The following TBC1D25 variants were observed in gnomAD, a reference collection of about 807,000 sequenced individuals.
TBC1D25 encodes the protein TBC1 domain family member 25.
Under a neutral mutation model 38.8 loss-of-function variants are expected in TBC1D25, and 13 were observed. That is an observed-to-expected ratio of 0.34 (90% CI 0.22 to 0.53). TBC1D25 has a LOEUF of 0.53. Ranked by LOEUF, TBC1D25 falls within the 20% of genes least tolerant of loss-of-function variation. The pLI is 0.94. For missense variants in TBC1D25, 372 were observed against 600.0 expected, an observed-to-expected ratio of 0.62 and a Z score of 3.97; for synonymous variants, 225 against 255.6, an observed-to-expected ratio of 0.88 and a Z score of 1.14.
intron 3 of TBC1D25, among the ~76,000 whole-genome samples, chrX:48,546,212 C>CA (rs782072122): frequency 0.028 from 1,571 of 57,012 alleles, 87 homozygotes; most frequent in African/African-American, 0.1. Flanking sequence ...GACTTCATCT[C>CA]AAAAAAAAAA....
At chrX:48,548,112 G>GTT in intron 3 of TBC1D25, among the ~76,000 whole-genome samples, 1 of 100,938 alleles carries the variant, frequency 9.9e-6, no homozygotes, top group South Asian at 4.3e-4. Context: ...GGTTTTGAGG[G>GTT]TTTTTTTTTT....
At chrX:48,556,746 CAAAAAA>C (rs57538682) in intron 3 of TBC1D25, among the ~76,000 whole-genome samples, 3 of 42,435 alleles carry the variant, frequency 7.1e-5, no homozygotes, top group African/African-American at 9.6e-5. Context: ...GACTCCGTCT[CAAAAAA>C]AAAAAAAAAA....
intron 2 of TBC1D25, 114 bp downstream of exon 2, chrX:48,541,556 T>C (rs2061838866): frequency 9.5e-6 from 7 of 737,330 alleles, no homozygotes; most frequent in Non-Finnish European, 1.5e-5. Context: ...AATCCCACAG[T>C]GAACAGCCAC....
Position 48,560,708 on chromosome X carries a change from A to G in TBC1D25, c.1800A>G (p.Val600=), listed in dbSNP as rs2062017807. ...PKDPGKSLPP[V]PPMGLPPPQE... ...ACCCTGGAAAGTCCCTGCCACCTGT[A>G]CCACCAATGGGCCTGCCCCCACCCC... Residue 600 remains valine (V), a synonymous_variant, in exon 6 of 6, where the codon GTA becomes GTG. Coordinates refer to ENST00000376771, the MANE Select transcript of TBC1D25 (RefSeq NM_002536.4). 8.3e-7 allele frequency: 1 copy of G among 1,210,249 alleles called. No individual in the cohort carries two copies. The highest frequency in any genetic ancestry group is 2.2e-5 in the Admixed American group (1 of 45,791).
At chrX:48,557,072 A>G (rs2061981555) in intron 3 of TBC1D25, among the ~76,000 whole-genome samples, 1 of 108,076 alleles carries the variant, frequency 9.3e-6, no homozygotes, top group Non-Finnish European at 1.9e-5. Context: ...CCAAAAAAAA[A>G]AAAAATCATC....
intron 3 of TBC1D25, among the ~76,000 whole-genome samples, chrX:48,554,257 T>C (rs2061958964): frequency 9.3e-6 from 1 of 107,632 alleles, no homozygotes; most frequent in South Asian, 4.3e-4. Flanking sequence ...TCTTAGAATT[T>C]GGGCATTTCG....
At chrX:48,553,115 G>T in intron 3 of TBC1D25, among the ~76,000 whole-genome samples, 1 of 109,836 alleles carries the variant, frequency 9.1e-6, no homozygotes, top group Non-Finnish European at 1.9e-5. Context: ...TAAATTCCGG[G>T]TTATCATTCT....
At chrX:48,555,425 G>T (rs1228756868) in intron 3 of TBC1D25, among the ~76,000 whole-genome samples, 1 of 112,196 alleles carries the variant, frequency 8.9e-6, no homozygotes, top group Admixed American at 9.5e-5. Flanking sequence ...TAAACAGATA[G>T]AAGTTGATTG....
chrX:48,540,190 T>C (rs2061827680), intron 1 of TBC1D25, among the ~76,000 whole-genome samples: 1 of 109,115 alleles, frequency 9.2e-6, no homozygotes, highest in African/African-American at 3.3e-5. Flanking sequence ...GGGGAGGGGC[T>C]ATGGGGCTGG....
At chrX:48,554,331 C>G (rs1360927106) in intron 3 of TBC1D25, among the ~76,000 whole-genome samples, 1 of 110,993 alleles carries the variant, frequency 9.0e-6, no homozygotes, top group Non-Finnish European at 1.9e-5. Context: ...AGGCGGATCA[C>G]TTGAACTCAG....
At chrX:48,551,279 G>A (rs1213456707) in intron 3 of TBC1D25, among the ~76,000 whole-genome samples, 1 of 111,826 alleles carries the variant, frequency 8.9e-6, no homozygotes, top group African/African-American at 3.2e-5. Flanking sequence ...GTTCAGATCA[G>A]GTTTTGCTAC....
At chrX:48,542,147 C>T (rs1368355652) in intron 2 of TBC1D25, among the ~76,000 whole-genome samples, 29 of 102,129 alleles carry the variant, frequency 2.8e-4, no homozygotes, top group Non-Finnish European at 5.7e-4. Context: ...TACAGGCATG[C>T]ACCACTATGC....
chrX:48,561,821 C>T lies in TBC1D25; in HGVS notation c.*846C>T, dbSNP rs1420506190. On this transcript the variant is annotated 3_prime_UTR_variant, in exon 6 of 6. Coordinates refer to ENST00000376771, the MANE Select transcript of TBC1D25 (RefSeq NM_002536.4). The stretch of plus-strand genomic sequence containing the variant: ...AAGGATCTAGGGCTCCTATTCTTGT[C>T]ACTTGCTTTGGAGCCAGTTTGAAAG... 8.9e-6 allele frequency: 1 copy of T among 112,637 alleles called. No homozygotes were observed. Among genetic ancestry groups the T allele is most frequent in the African/African-American group, 3.2e-5 (1 of 30,986 alleles). The allele number at this position is 112,637 out of a possible 1,213,427, so 9.3% of individuals were successfully genotyped here.
chrX:48,544,094 A>G (rs1380733817), intron 2 of TBC1D25, among the ~76,000 whole-genome samples: 1 of 111,656 alleles, frequency 9.0e-6, no homozygotes, highest in Non-Finnish European at 1.9e-5. Flanking sequence ...ACAGTACACA[A>G]TTGTTGGGTA....
chrX:48,561,610 T>G lies in TBC1D25; in HGVS notation c.*635T>G, dbSNP rs2062027639. On this transcript the variant is annotated 3_prime_UTR_variant, in exon 6 of 6. Transcript: ENST00000376771. ...GCAGCCACCCCTGGCATTCCACATG[T>G]CACCATTTCTAGGATCTTGGCCTCT... The G allele has an allele frequency of 8.9e-6, 1 of 112,265 alleles. No homozygotes were observed. The highest frequency in any genetic ancestry group is 3.2e-5 in the African/African-American group (1 of 30,932). 9.3% of individuals were successfully genotyped at this position (112,265 alleles called of 1,213,427 possible).
In TBC1D25 at chrX:48,541,366, T is replaced by A; in HGVS notation, c.157T>A (p.Ser53Thr). The change falls in exon 2 of 6, where the codon TCT (serine) becomes ACT (threonine). Residue 53 changes from serine (S) to threonine (T), a missense_variant. Physicochemically the swap from Ser to Thr is moderately conservative, Grantham distance 58 (BLOSUM62 1). Transcript: ENST00000376771. Reference sequence around the variant, plus strand: ...GAGCTTCTTGCCGCCAGAGTTCCGCTCTTTTGCTGTAGATCCCCAGATCAC... The same window carrying A: ...GAGCTTCTTGCCGCCAGAGTTCCGCACTTTTGCTGTAGATCCCCAGATCAC... ...CESFLPPEFRSFAVDPQITSL... is the reference protein window; with the variant it reads ...CESFLPPEFRTFAVDPQITSL... The A allele has an allele frequency of 8.3e-7, 1 of 1,211,775 alleles. No homozygotes were observed.
In TBC1D25 at chrX:48,545,162, G is replaced by C. The variant is rs1380906273; in HGVS notation, c.388+139G>C. On this transcript the variant is annotated intron_variant, in intron 3 of 5. Coordinates refer to ENST00000376771, the MANE Select transcript of TBC1D25 (RefSeq NM_002536.4). ...CTATAGATCCTGGCTCAGCCACTAG[G>C]CCACAATTTCTTCACTTGTAAAGAG... 4.3e-5 allele frequency: 33 copies of C among 763,011 alleles called. No individual in the cohort carries two copies. The African/African-American group carries it at 7.0e-4, about 16-fold the overall frequency. 62.9% of individuals were successfully genotyped at this position (763,011 alleles called of 1,213,427 possible). A position where few individuals can be genotyped will look rare whatever the true frequency, so the allele number is the denominator to read the frequency against.
At chrX:48,540,475 A>G (rs2061829987) in intron 1 of TBC1D25, among the ~76,000 whole-genome samples, 1 of 112,303 alleles carries the variant, frequency 8.9e-6, no homozygotes, top group Admixed American at 9.5e-5. Flanking sequence ...AAAAGGAGTC[A>G]GCCATGTGCA....
In TBC1D25 at chrX:48,561,047, C is replaced by A; in HGVS notation, c.*72C>A. On this transcript the variant is annotated 3_prime_UTR_variant, in exon 6 of 6. Transcript: ENST00000376771. ...TTGCCATGAGGGCCAACACATGAGACCCCACCTCCCTCCCTGCCTGCCAGC... is the reference window on the plus strand; with the variant it reads ...TTGCCATGAGGGCCAACACATGAGAACCCACCTCCCTCCCTGCCTGCCAGC... 9.4e-7 allele frequency: 1 copy of A among 1,059,611 alleles called. No individual in the cohort carries two copies. Among genetic ancestry groups the A allele is most frequent in the Non-Finnish European group, 1.2e-6 (1 of 805,177 alleles). The allele number at this position is 1,059,611 out of a possible 1,213,427, so 87.3% of individuals were successfully genotyped here.
Sources: gnomAD v4.1 joint callset for allele counts (sites outside exome capture counted in the v4.1 genomes callset) on GRCh38, gnomAD v4.1.1 for gene constraint, MANE v1.5 for transcripts, NCBI Gene and HGNC (gene_info 2026-07-23, HGNC 2026-07-21) for gene names.